ATAD3A: variants seen among roughly 807,000 people sequenced by gnomAD.
ATAD3A encodes the protein ATPase family AAA domain-containing protein 3A.
ATAD3A carries 46 observed loss-of-function variants against 73.8 expected under a neutral mutation model. The observed-to-expected ratio is 0.62, with a 90% CI of 0.49 to 0.80. The LOEUF (loss-of-function observed/expected upper bound fraction) is 0.80, where lower values mean the gene tolerates loss of function less well. Ranked by LOEUF, ATAD3A falls within the 30% of genes least tolerant of loss-of-function variation. The probability of loss-of-function intolerance (pLI) is 0.00; values close to 1 mark genes in which losing one functional copy is unlikely to be tolerated. For synonymous variants in ATAD3A, 319 were observed against 350.0 expected (o/e 0.91, Z 0.99); for missense variants, 705 against 838.0 (o/e 0.84, Z 1.96).
At chr1:1,517,067 G>A in intron 2 of ATAD3A, 8 of 1,506,440 alleles carry the variant, frequency 5.3e-6, no homozygotes, top group Non-Finnish European at 6.2e-6. Context: ...CAGTCCAAAA[G>A]GGGGTGTCCG....
Position 1,523,898 on chromosome 1 carries a change from C to T in ATAD3A, c.1023C>T (p.Asn341=), listed in dbSNP as rs1179445542. The change falls in exon 10 of 16, where the codon AAC becomes AAT. Residue 341 remains asparagine, a synonymous_variant. Coordinates refer to ENST00000378756, the MANE Select transcript of ATAD3A (RefSeq NM_001170535.3). The surrounding 1 kb of genome is among the most constrained non-coding windows in gnomAD (Gnocchi z 5.1). ...TAGCAACAAGGAACACCAAGAAGAA[C>T]CGCAGCCTGTACAGGAACATCCTGA... ...IAIATRNTKK[N]RSLYRNILMY... 32 of 1,613,956 alleles carry T rather than the reference C, an allele frequency of 2.0e-5. No homozygotes were observed. The highest frequency in any genetic ancestry group is 1.6e-4 in the Middle Eastern group (1 of 6,084).
intron 14 of ATAD3A, 58 bp from the exon 15 acceptor site, chr1:1,529,165 C>T (rs1441620090): frequency 1.3e-6 from 2 of 1,591,814 alleles, no homozygotes; most frequent in African/African-American, 2.7e-5. Flanking sequence ...TTCCGGCCTC[C>T]ACCTCGTGTT....
intron 4 of ATAD3A, among the ~76,000 whole-genome samples, chr1:1,518,501 CACA>C (rs1281237817): frequency 8.1e-6 from 1 of 122,848 alleles, no homozygotes; most frequent in African/African-American, 3.1e-5. Context: ...TGGGCACGCA[CACA>C]ACCCCCCCAC....
chr1:1,516,659 T>C (rs1200780670), intron 2 of ATAD3A, among the ~76,000 whole-genome samples: 1 of 151,946 alleles, frequency 6.6e-6, no homozygotes, highest in Non-Finnish European at 1.5e-5. Context: ...GTGATCCACC[T>C]GCCTCGGCCT....
In ATAD3A at chr1:1,529,304, G is replaced by A; in HGVS notation, c.1587G>A (p.Glu529=). The change falls in exon 15 of 16, where the codon GAG becomes GAA. Residue 529 remains glutamate, a synonymous_variant. Coordinates refer to ENST00000378756, the MANE Select transcript of ATAD3A (RefSeq NM_001170535.3). ...TGACGGAGGGCATGTCGGGCCGGGA[G>A]ATCGCTCAGCTGGCCGTGTCCTGGC... ...ARLTEGMSGR[E]IAQLAVSWQA... is the part of the protein sequence containing the mutation. 6.2e-7 allele frequency: 1 copy of A among 1,601,070 alleles called. No homozygotes were observed. The highest frequency in any genetic ancestry group is 8.5e-7 in the Non-Finnish European group (1 of 1,174,934).
rs553545709 is a variant in ATAD3A at position 1,534,234 on chromosome 1, C to G, written c.*162C>G. ...CTTGTGGTGCGGGTCGGCCGTTCTG[C>G]CCCCCAGGGCACCCCCTGTTGTAGG... On this transcript the variant is annotated 3_prime_UTR_variant, in exon 16 of 16. Transcript: ENST00000378756. The G allele has an allele frequency of 4.0e-5, 60 of 1,494,390 alleles. 1 individual carries two copies. The Middle Eastern group carries it at 7.5e-4, about 19-fold the overall frequency. The allele number at this position is 1,494,390 out of a possible 1,614,324, so 92.6% of individuals were successfully genotyped here.
At chr1:1,512,839 A>G (rs1487221535) in intron 1 of ATAD3A, 1 of 820,962 alleles carries the variant, frequency 1.2e-6, no homozygotes, top group Non-Finnish European at 1.5e-6. Context: ...CCAGATGGGT[A>G]GATGGGTTTG....
Position 1,523,576 on chromosome 1 carries a change from G to T in ATAD3A, c.963+9G>T, listed in dbSNP as rs1557469073. ...AGGGTGTTGTGCTCAGTGTAAGTCG[G>T]TGTGCCTGGGACCGGGGAGGCGCAG... On this transcript the variant is annotated intron_variant, in intron 9 of 15. Transcript: ENST00000378756. The surrounding 1 kb of genome is among the most constrained non-coding windows in gnomAD (Gnocchi z 5.1). The T allele has an allele frequency of 6.2e-7, 1 of 1,612,818 alleles. No individual in the cohort carries two copies. The highest frequency in any genetic ancestry group is 2.2e-5 in the East Asian group (1 of 44,870).
Position 1,527,776 on chromosome 1 carries a change from C to T in ATAD3A, c.1419C>T (p.Phe473=), listed in dbSNP as rs768643522. The part of the protein sequence containing the change: ...INDRINEMVH[F]DLPGQEERER... ...ACCGCATCAATGAGATGGTCCACTTCGACCTGCCAGGGCAGGAGGAACGGG... is the reference window on the plus strand; with the variant it reads ...ACCGCATCAATGAGATGGTCCACTTTGACCTGCCAGGGCAGGAGGAACGGG... The change falls in exon 14 of 16, where the codon TTC becomes TTT. Residue 473 remains phenylalanine, a synonymous_variant. Coordinates refer to ENST00000378756, the MANE Select transcript of ATAD3A (RefSeq NM_001170535.3). 12 of 1,613,958 alleles carry T rather than the reference C, an allele frequency of 7.4e-6. No homozygotes were observed. In the Admixed American group the frequency reaches 1.0e-4, roughly 13 times the overall value.
chr1:1,525,962 C>T (rs1370415071), intron 12 of ATAD3A, among the ~76,000 whole-genome samples: 2 of 152,190 alleles, frequency 1.3e-5, no homozygotes, highest in South Asian at 2.1e-4. Context: ...CCTCCCTTGA[C>T]GTTCTGAAGT....
intron 5 of ATAD3A, 125 bp downstream of exon 5, chr1:1,519,115 G>A (rs1012839654): frequency 3.8e-6 from 6 of 1,565,952 alleles, no homozygotes; most frequent in East Asian, 2.3e-5. Context: ...GGCGAGGCCT[G>A]CTGGGGCTCC....
At position 1,512,343 on chromosome 1, in the gene ATAD3A, G is replaced by T. The variant is rs751438870; in HGVS notation, c.75G>T (p.Ala25=). ...GAGPPPPLPP[A]QPGAEGGGDR... is the part of the protein sequence containing the mutation. ...GGCCGCCGCCGCCTTTGCCGCCCGC[G>T]CAGCCCGGGGCCGAGGGCGGCGGGG... The change falls in exon 1 of 16, where the codon GCG becomes GCT. Residue 25 remains alanine (A), a synonymous_variant. Coordinates refer to ENST00000378756, the MANE Select transcript of ATAD3A (RefSeq NM_001170535.3). 132 of 1,240,266 alleles carry T rather than the reference G, an allele frequency of 1.1e-4. No homozygotes were observed. The highest frequency in any genetic ancestry group is 1.3e-4 in the Non-Finnish European group (128 of 986,816). The allele number at this position is 1,240,266 out of a possible 1,614,324, so 76.8% of individuals were successfully genotyped here.
chr1:1,525,433 G>A, intron 12 of ATAD3A, 142 bp downstream of exon 12: 4 of 778,412 alleles, frequency 5.1e-6, no homozygotes, highest in Middle Eastern at 3.2e-4. Context: ...TTTTTTTTTT[G>A]AGAAGAAATC....
At chr1:1,514,531 C>CT (rs1641293941) in intron 1 of ATAD3A, among the ~76,000 whole-genome samples, 2 of 152,192 alleles carry the variant, frequency 1.3e-5, no homozygotes, top group Non-Finnish European at 1.5e-5. Context: ...GGTTAGCTAC[C>CT]AAGGCGCTTC....
In ATAD3A at chr1:1,518,907, C is replaced by T. The variant is rs185987079; in HGVS notation, c.445-14C>T. The T allele has an allele frequency of 1.6e-3, 2,612 of 1,614,070 alleles. 5 individuals are homozygous for T. Among genetic ancestry groups the T allele is most frequent in the Non-Finnish European group, 2.0e-3 (2,384 of 1,179,924 alleles). On this transcript the variant is annotated splice_polypyrimidine_tract_variant and intron_variant, in intron 4 of 15. Coordinates refer to ENST00000378756, the MANE Select transcript of ATAD3A (RefSeq NM_001170535.3). ...TTTTAAAGGCTTTTCTCTTTTTCTG[C>T]GGCTTCTTCTCAGCAACTTCTCAAT...
At chr1:1,529,945 G>T (rs1641980066) in intron 15 of ATAD3A, among the ~76,000 whole-genome samples, 1 of 152,252 alleles carries the variant, frequency 6.6e-6, no homozygotes, top group African/African-American at 2.4e-5. Flanking sequence ...TGGTGGGGCA[G>T]AAGGCACCCT....
Position 1,523,874 on chromosome 1 carries a change from A to G in ATAD3A, c.999A>G (p.Ile333Met). ...SLEARVRDIAIATRNTKKNRS... is the reference protein window; with the variant it reads ...SLEARVRDIAMATRNTKKNRS... ...AAGCACGGGTGCGCGACATCGCCATAGCAACAAGGAACACCAAGAAGAACC... is the reference window on the plus strand; with the variant it reads ...AAGCACGGGTGCGCGACATCGCCATGGCAACAAGGAACACCAAGAAGAACC... The change falls in exon 10 of 16, where the codon ATA (isoleucine) becomes ATG (methionine). Residue 333 changes from isoleucine (I) to methionine (M), a missense_variant. Transcript: ENST00000378756. The surrounding 1 kb of genome is among the most constrained non-coding windows in gnomAD (Gnocchi z 5.1). 1 of 1,614,000 alleles carries G rather than the reference A, an allele frequency of 6.2e-7. No individual in the cohort carries two copies. The highest frequency in any genetic ancestry group is 8.5e-7 in the Non-Finnish European group (1 of 1,179,994).
At chr1:1,533,654 G>A (rs2753291) in intron 15 of ATAD3A, among the ~76,000 whole-genome samples, 1 of 151,732 alleles carries the variant, frequency 6.6e-6, no homozygotes, top group South Asian at 2.1e-4. Context: ...CTGGGTCGGC[G>A]GTCAGTGAGG....
At chr1:1,515,049 C>A (rs1213492536) in intron 1 of ATAD3A, among the ~76,000 whole-genome samples, 1 of 151,940 alleles carries the variant, frequency 6.6e-6, no homozygotes. Flanking sequence ...CTTTTTTTGT[C>A]TTTTTAGTGG....
Sources: allele counts gnomAD v4.1 joint callset (sites outside exome capture counted in the v4.1 genomes callset), GRCh38; gene constraint gnomAD v4.1.1; non-coding constraint Gnocchi (gnomAD v3.1); transcripts MANE v1.5; gene names NCBI Gene and HGNC (gene_info 2026-07-23, HGNC 2026-07-21).